GRIP1: variants seen among roughly 807,000 people sequenced by gnomAD.
GRIP1 encodes the protein glutamate receptor interacting protein 1, also known as glutamate receptor-interacting protein 1.
In GRIP1, 45 loss-of-function variants were observed where a neutral mutation model predicts 129.9. The observed-to-expected ratio is 0.35, with a 90% CI of 0.27 to 0.44. The LOEUF (loss-of-function observed/expected upper bound fraction) is 0.44. GRIP1 is among the 20% of genes least tolerant of loss of function. The pLI, the probability that GRIP1 is intolerant of heterozygous loss-of-function variation, is 1.00. For synonymous variants in GRIP1, 530 were observed against 520.8 expected, an observed-to-expected ratio of 1.02 and a Z score of -0.24; for missense variants, 1,196 against 1,396.8, an observed-to-expected ratio of 0.86 and a Z score of 2.29.
At chr12:66,587,759 G>A (rs2063696116) in intron 2 of GRIP1, among the ~76,000 whole-genome samples, 3 of 152,176 alleles carry the variant, frequency 2.0e-5, no homozygotes, top group South Asian at 4.1e-4. Flanking sequence ...AGTGTGCACG[G>A]GTGAAGGGCA....
At chr12:66,777,399 C>T (rs781537914) in intron 1 of GRIP1, among the ~76,000 whole-genome samples, 3 of 152,110 alleles carry the variant, frequency 2.0e-5, no homozygotes, top group Non-Finnish European at 4.4e-5. Context: ...TTGAGCAAAC[C>T]TCACCTTCTT....
chr12:66,827,454 C>T (rs1379301419), intron 1 of GRIP1, among the ~76,000 whole-genome samples: 3 of 150,704 alleles, frequency 2.0e-5, no homozygotes, highest in Non-Finnish European at 4.4e-5. Flanking sequence ...GCCAAAAGGA[C>T]AGACACTACA....
Position 66,455,539 on chromosome 12 carries a change from A to T in GRIP1, c.1224T>A (p.Ser408=). The change falls in exon 11 of 25, where the codon TCT becomes TCA. Residue 408 remains serine (S), a synonymous_variant. Transcript: ENST00000359742. ...GGCTGTATGCACTCATGGAGGTAGG[A>T]GAGAAGGATGAAGACACCAAAGCTG... ...SPPALVSSSF[S]PTSMSAYSLS... 6.2e-7 allele frequency: 1 copy of T among 1,614,104 alleles called. No individual in the cohort carries two copies. Among genetic ancestry groups the T allele is most frequent in the Non-Finnish European group, 8.5e-7 (1 of 1,179,948 alleles).
intron 1 of GRIP1, among the ~76,000 whole-genome samples, chr12:66,946,549 A>G (rs944373975): frequency 3.3e-5 from 5 of 151,858 alleles, no homozygotes; most frequent in African/African-American, 4.8e-5. Context: ...ATACTTTAAT[A>G]TAGTTATTCT....
intron 14 of GRIP1, among the ~76,000 whole-genome samples, chr12:66,429,902 G>A (rs1023525006): frequency 2.0e-5 from 3 of 152,158 alleles, no homozygotes; most frequent in African/African-American, 7.2e-5. Context: ...ACGGCACAGA[G>A]AGGTTGAGGG....
intron 1 of GRIP1, among the ~76,000 whole-genome samples, chr12:67,051,705 G>A (rs1393980202): frequency 1.3e-5 from 2 of 152,204 alleles, no homozygotes; most frequent in African/African-American, 4.8e-5. Flanking sequence ...TAGCAGAAGA[G>A]ATCTGAGCTG....
At chr12:66,847,534 A>G (rs1387717269) in intron 1 of GRIP1, among the ~76,000 whole-genome samples, 1 of 152,198 alleles carries the variant, frequency 6.6e-6, no homozygotes, top group African/African-American at 2.4e-5. Flanking sequence ...ACTTGTATTA[A>G]TCAGATGTTG....
chr12:66,996,779 C>T (rs2042473727), intron 1 of GRIP1, among the ~76,000 whole-genome samples: 1 of 152,160 alleles, frequency 6.6e-6, no homozygotes, highest in Admixed American at 6.6e-5. Flanking sequence ...GTGGATCCCC[C>T]TCACCCTTTC....
chr12:66,427,586 A>T (rs1365342971), intron 14 of GRIP1, among the ~76,000 whole-genome samples: 1 of 152,194 alleles, frequency 6.6e-6, no homozygotes, highest in Non-Finnish European at 1.5e-5. Context: ...AAACTAAAAG[A>T]TAATATATTA....
At chr12:66,775,319 T>C (rs1423762813) in intron 1 of GRIP1, among the ~76,000 whole-genome samples, 1 of 152,234 alleles carries the variant, frequency 6.6e-6, no homozygotes, top group African/African-American at 2.4e-5. Flanking sequence ...GTCTGTTAAA[T>C]ACATCTCCAT....
chr12:66,591,377 A>T (rs1442563469), intron 2 of GRIP1, among the ~76,000 whole-genome samples: 1 of 152,172 alleles, frequency 6.6e-6, no homozygotes, highest in Non-Finnish European at 1.5e-5. Context: ...GGCAGAGTAC[A>T]CCCGGCCCTT....
At chr12:67,052,798 G>A (rs1043877883) in intron 1 of GRIP1, among the ~76,000 whole-genome samples, 1 of 147,134 alleles carries the variant, frequency 6.8e-6, no homozygotes, top group African/African-American at 2.5e-5. Context: ...CGGAGGGAGG[G>A]AGGGAGGAAG....
At chr12:66,981,018 G>A (rs1473429761) in intron 1 of GRIP1, among the ~76,000 whole-genome samples, 1 of 152,192 alleles carries the variant, frequency 6.6e-6, no homozygotes, top group African/African-American at 2.4e-5. Flanking sequence ...TCCTAGGGCA[G>A]AGAGGTTAAG....
intron 14 of GRIP1, among the ~76,000 whole-genome samples, chr12:66,426,676 T>C (rs1441353289): frequency 6.6e-6 from 1 of 152,172 alleles, no homozygotes; most frequent in East Asian, 1.9e-4. Context: ...AGTGTGGTCC[T>C]AAAGAGCTGT....
intron 24 of GRIP1, 36 bp downstream of exon 24, chr12:66,353,381 A>G (rs748360187): frequency 6.7e-7 from 1 of 1,493,090 alleles, no homozygotes. Context: ...GTGAGAAATT[A>G]CTTGCAAGGA....
chr12:66,705,576 AAAG>A (rs1430001794), intron 1 of GRIP1, among the ~76,000 whole-genome samples: 1 of 152,208 alleles, frequency 6.6e-6, no homozygotes, highest in Non-Finnish European at 1.5e-5. Flanking sequence ...ATATGAAATC[AAAG>A]AAGACCCTGT....
chr12:66,610,987 G>C (rs2064769346), intron 1 of GRIP1, among the ~76,000 whole-genome samples: 1 of 152,106 alleles, frequency 6.6e-6, no homozygotes, highest in Non-Finnish European at 1.5e-5. Flanking sequence ...TATAACTATA[G>C]CCTTTATTGG....
intron 2 of GRIP1, among the ~76,000 whole-genome samples, chr12:66,564,637 T>C (rs1018198961): frequency 1.3e-5 from 2 of 152,190 alleles, no homozygotes; most frequent in African/African-American, 2.4e-5. Context: ...TTTGGGTATA[T>C]ACCCAGTAAT....
At chr12:66,799,277 C>CTA (rs2038791173) in intron 1 of GRIP1, among the ~76,000 whole-genome samples, 1 of 152,036 alleles carries the variant, frequency 6.6e-6, no homozygotes, top group Admixed American at 6.6e-5. Flanking sequence ...GACAAATATA[C>CTA]TATAGATGGA....
Sources: gnomAD v4.1 joint callset for allele counts (sites outside exome capture counted in the v4.1 genomes callset) on GRCh38, gnomAD v4.1.1 for gene constraint, MANE v1.5 for transcripts, NCBI Gene and HGNC (gene_info 2026-07-23, HGNC 2026-07-21) for gene names.